The following UGP2 variants were observed in gnomAD, a reference collection of about 807,000 sequenced individuals.
UGP2 encodes UDP-glucose pyrophosphorylase 2, also known as UTP--glucose-1-phosphate uridylyltransferase.
UGP2 carries 40 observed loss-of-function variants against 49.0 expected under a neutral mutation model. The ratio of observed to expected loss-of-function variants is 0.82; its 90% CI spans 0.63 to 1.06. The LOEUF is 1.06. Among genes scored for constraint, UGP2 ranks in the 50% least tolerant of loss-of-function variants. The pLI, the probability that UGP2 is intolerant of heterozygous loss-of-function variation, is 0.00. For missense variants in UGP2, 460 were observed against 603.5 expected (o/e 0.76, Z 2.49); for synonymous variants, 225 against 213.0 (o/e 1.06, Z -0.49).
At chr2:63,851,551 G>A (rs1558934514) in intron 1 of UGP2, among the ~76,000 whole-genome samples, 1 of 152,170 alleles carries the variant, frequency 6.6e-6, no homozygotes, top group Non-Finnish European at 1.5e-5. Flanking sequence ...AGAGATCAGG[G>A]CGGTTTCCCA....
At chr2:63,873,263 G>A (rs1009434246) in intron 3 of UGP2, among the ~76,000 whole-genome samples, 7 of 152,194 alleles carry the variant, frequency 4.6e-5, no homozygotes, top group Non-Finnish European at 7.3e-5. Context: ...TGGTATGCAC[G>A]TAATCATCTC....
At chr2:63,864,092 G>A (rs1368828816) in intron 3 of UGP2, among the ~76,000 whole-genome samples, 1 of 152,188 alleles carries the variant, frequency 6.6e-6, no homozygotes, top group East Asian at 1.9e-4. Context: ...AAAAAGCTGT[G>A]TATGCAAAGC....
intron 3 of UGP2, among the ~76,000 whole-genome samples, chr2:63,880,665 A>G (rs1671242374): frequency 6.6e-6 from 1 of 152,180 alleles, no homozygotes; most frequent in Non-Finnish European, 1.5e-5. Flanking sequence ...AGTAGAGTCA[A>G]ATGAAAACAT....
At chr2:63,855,470 T>C in intron 1 of UGP2, 1 of 448,962 alleles carries the variant, frequency 2.2e-6, no homozygotes, top group Non-Finnish European at 4.4e-6. Context: ...AAACAGCCTG[T>C]GTTGGTATTT....
chr2:63,855,693 C>A (rs1419056711), intron 1 of UGP2: 1 of 437,388 alleles, frequency 2.3e-6, no homozygotes, highest in African/African-American at 2.1e-5. Context: ...AGACAAGCGC[C>A]ACCACACCTG....
intron 3 of UGP2, among the ~76,000 whole-genome samples, chr2:63,873,287 G>A (rs569261313): frequency 1.4e-4 from 21 of 152,298 alleles, no homozygotes; most frequent in African/African-American, 3.8e-4. Context: ...CCACATCACA[G>A]CATCAGCTTC....
intron 9 of UGP2, 71 bp from the exon 10 acceptor site, chr2:63,891,049 C>A: frequency 1.7e-5 from 21 of 1,219,600 alleles, no homozygotes; most frequent in Non-Finnish European, 2.2e-5. Flanking sequence ...TGTACATAAA[C>A]TTGATCACTG....
intron 3 of UGP2, among the ~76,000 whole-genome samples, chr2:63,868,834 C>T (rs897272788): frequency 6.6e-6 from 1 of 151,736 alleles, no homozygotes; most frequent in Non-Finnish European, 1.5e-5. Flanking sequence ...ATTAGCCGGG[C>T]GTGGTGGCAT....
In UGP2 at chr2:63,891,430, A is replaced by G. The variant is rs1558968974; in HGVS notation, c.*203A>G. 2.5e-6 allele frequency: 1 copy of G among 395,888 alleles called. No homozygotes were observed. The highest frequency in any genetic ancestry group is 4.5e-6 in the Non-Finnish European group (1 of 224,488). The allele number at this position is 395,888 out of a possible 1,614,324, so 24.5% of individuals were successfully genotyped here. A position where few individuals can be genotyped will look rare whatever the true frequency, so the allele number is the denominator to read the frequency against. On this transcript the variant is annotated 3_prime_UTR_variant, in exon 10 of 10. Coordinates refer to ENST00000337130, the MANE Select transcript of UGP2 (RefSeq NM_006759.4). The stretch of plus-strand genomic sequence containing the variant: ...TTTCCTTCTTTGAAGAGAATCCCAA[A>G]AGTTAGTTCATCTTAAAGTGCAATA...
chr2:63,885,593 C>G lies in UGP2; in HGVS notation c.580C>G (p.Pro194Ala). 3 of 1,541,966 alleles carry G rather than the reference C, an allele frequency of 1.9e-6. No homozygotes were observed. The highest frequency in any genetic ancestry group is 2.6e-6 in the Non-Finnish European group (3 of 1,150,620). The change falls in exon 6 of 10, where the codon CCG becomes GCG. Residue 194 changes from proline (P) to alanine (A), a missense_variant. Around this residue, in one of 2 missense-constraint regions of UGP2, gnomAD observed 317 missense variants for 473.0 expected, o/e 0.67. Coordinates refer to ENST00000337130, the MANE Select transcript of UGP2 (RefSeq NM_006759.4). Reference protein sequence around the residue: ...KIYTFNQSRYPRINKESLLPV... With the variant: ...KIYTFNQSRYARINKESLLPV... Reference sequence around the variant, plus strand: ...AGAACTTTTTTTTTTTTAAAGGTACCCGAGGATTAATAAAGAATCTTTACT... The same window carrying G: ...AGAACTTTTTTTTTTTTAAAGGTACGCGAGGATTAATAAAGAATCTTTACT...
chr2:63,874,111 G>C (rs1283826744), intron 3 of UGP2, among the ~76,000 whole-genome samples: 34 of 152,200 alleles, frequency 2.2e-4, no homozygotes. Flanking sequence ...AGGGAGGCTG[G>C]AAATTGAGTC....
intron 2 of UGP2, chr2:63,857,620 C>G: frequency 1.7e-6 from 1 of 597,000 alleles, no homozygotes; most frequent in South Asian, 1.5e-5. Context: ...TGGCCTGAGC[C>G]TCCCAAAGTG....
At chr2:63,857,413 G>A in intron 2 of UGP2, 1 of 282,576 alleles carries the variant, frequency 3.5e-6, no homozygotes, top group South Asian at 2.9e-5. Flanking sequence ...ACCCAGGCTG[G>A]AGTGCAGTGG....
intron 3 of UGP2, among the ~76,000 whole-genome samples, chr2:63,866,843 C>A (rs999221444): frequency 1.3e-5 from 2 of 152,040 alleles, no homozygotes; most frequent in Non-Finnish European, 2.9e-5. Context: ...GCAGTCTAGG[C>A]GGATGCATTT....
chr2:63,889,599 T>C (rs1431645928), intron 8 of UGP2: 2 of 153,018 alleles, frequency 1.3e-5, no homozygotes, highest in African/African-American at 4.8e-5. Context: ...GGACAATCTC[T>C]AGTGCTTGTA....
At chr2:63,851,678 A>G (rs1267075034) in intron 1 of UGP2, among the ~76,000 whole-genome samples, 4 of 152,126 alleles carry the variant, frequency 2.6e-5, no homozygotes, top group Admixed American at 2.6e-4. Context: ...TTTGAAGTGC[A>G]TGGTTTCGAA....
rs1553464349 is a variant in UGP2 at position 63,869,922 on chromosome 2, A to ACT, written c.255+11986_255+11987insCT. On this transcript the variant is annotated intron_variant, in intron 3 of 9. Coordinates refer to ENST00000337130, the MANE Select transcript of UGP2 (RefSeq NM_006759.4). Reference sequence around the variant, plus strand: ...ATTTATTTTAGAGTAATTAAAATTAATTTTTTTTTTTTTTTTTTGAGACAG... The same window carrying ACT: ...ATTTATTTTAGAGTAATTAAAATTAACTTTTTTTTTTTTTTTTTTTGAGACAG... Among the ~76,000 whole-genome samples, 207 of 135,504 alleles carry ACT rather than the reference A, an allele frequency of 1.5e-3. 4 individuals carry two copies. Among genetic ancestry groups the ACT allele is most frequent in the African/African-American group, 5.3e-3 (198 of 37,380 alleles). The allele number at this position is 135,504 out of a possible 152,430, so 88.9% of individuals were successfully genotyped here.
At chr2:63,870,777 A>G (rs776671890) in intron 3 of UGP2, among the ~76,000 whole-genome samples, 5 of 152,172 alleles carry the variant, frequency 3.3e-5, no homozygotes, top group South Asian at 2.1e-4. Flanking sequence ...TATCAGGTGG[A>G]AGTTTCTGCC....
rs1369349698 is a variant in UGP2, at chr2:63,877,953, A to G, written c.256-4513A>G. On this transcript the variant is annotated intron_variant, in intron 3 of 9. Coordinates refer to ENST00000337130, the MANE Select transcript of UGP2 (RefSeq NM_006759.4). ...GCTTGCAGTGAGCCGAGATTGCGCC[A>G]CTGCAGTCCGCAGTCCGGCCTGGGC... 4.0e-5 allele frequency among the ~76,000 whole-genome samples: 5 copies of G among 125,420 alleles called. No homozygotes were observed. The Admixed American group carries it at 5.0e-4, about 13-fold the overall frequency. 82.3% of individuals were successfully genotyped at this position (125,420 alleles called of 152,430 possible).
Sources: allele counts gnomAD v4.1 joint callset (sites outside exome capture counted in the v4.1 genomes callset), GRCh38; gene constraint gnomAD v4.1.1; regional missense constraint gnomAD v4.1.1; transcripts MANE v1.5; gene names NCBI Gene and HGNC (gene_info 2026-07-23, HGNC 2026-07-21).